The following SYN2 variants were observed in gnomAD, a reference collection of about 807,000 sequenced individuals.
SYN2 encodes synapsin-2.
In SYN2, 19 loss-of-function variants were observed where a neutral mutation model predicts 50.9. That is an observed-to-expected ratio of 0.37 (90% CI 0.26 to 0.55). The LOEUF (loss-of-function observed/expected upper bound fraction) is 0.55. SYN2 is among the 20% of genes least tolerant of loss of function. The pLI is 0.81. For synonymous variants in SYN2, 255 were observed against 224.9 expected, an observed-to-expected ratio of 1.13 and a Z score of -1.20; for missense variants, 587 against 576.4, an observed-to-expected ratio of 1.02 and a Z score of -0.19.
intron 1 of SYN2, among the ~76,000 whole-genome samples, chr3:12,085,556 G>A (rs307574): frequency 1.3e-5 from 2 of 152,028 alleles, no homozygotes; most frequent in African/African-American, 2.4e-5. Context: ...GTCATATTGC[G>A]TATCTTTTCC....
intron 7 of SYN2, among the ~76,000 whole-genome samples, chr3:12,163,057 G>A (rs1339965169): frequency 1.3e-5 from 2 of 151,948 alleles, no homozygotes; most frequent in South Asian, 2.1e-4. Context: ...TGGCTAACAT[G>A]GTGAAACCCC....
rs1698451169 is a variant in SYN2, at chr3:12,191,935, C to T, written c.*1310C>T. The stretch of plus-strand genomic sequence containing the variant: ...GGATTTCACTCTGGCTGCTTCATGA[C>T]TCCCTGATACTCAAGTATATTTTCC... On this transcript the variant is annotated 3_prime_UTR_variant, in exon 13 of 13. Transcript: ENST00000621198. Among the ~76,000 whole-genome samples the T allele has an allele frequency of 6.6e-6, 1 of 152,172 alleles. No homozygotes were observed. Among genetic ancestry groups the T allele is most frequent in the African/African-American group, 2.4e-5 (1 of 41,434 alleles).
At chr3:12,129,658 A>T (rs1696748720) in intron 1 of SYN2, among the ~76,000 whole-genome samples, 1 of 152,186 alleles carries the variant, frequency 6.6e-6, no homozygotes, top group African/African-American at 2.4e-5. Flanking sequence ...GTCATCTGAT[A>T]AACATATGGT....
intron 1 of SYN2, among the ~76,000 whole-genome samples, chr3:12,045,482 A>G (rs1426055457): frequency 1.3e-5 from 2 of 152,194 alleles, no homozygotes; most frequent in Non-Finnish European, 1.5e-5. Flanking sequence ...TCCAATTTGA[A>G]TAGATGTTTT....
chr3:12,043,453 A>G (rs571726515), intron 1 of SYN2, among the ~76,000 whole-genome samples: 3 of 152,310 alleles, frequency 2.0e-5, no homozygotes, highest in East Asian at 3.9e-4. Context: ...GGTCTCCTAT[A>G]TAACCCGGTA....
chr3:12,043,321 C>T (rs1443986606), intron 1 of SYN2, among the ~76,000 whole-genome samples: 2 of 152,146 alleles, frequency 1.3e-5, no homozygotes, highest in Non-Finnish European at 2.9e-5. Flanking sequence ...ACTACTGGTG[C>T]CCAGCTGCTT....
intron 1 of SYN2, among the ~76,000 whole-genome samples, chr3:12,093,854 C>T (rs1466531622): frequency 1.8e-5 from 2 of 109,296 alleles, no homozygotes; most frequent in Non-Finnish European, 3.5e-5. Flanking sequence ...AGGCTCTGCC[C>T]TGCAATTTTT....
chr3:12,005,974 C>T (rs1284089802), intron 1 of SYN2, among the ~76,000 whole-genome samples: 1 of 149,708 alleles, frequency 6.7e-6, no homozygotes, highest in African/African-American at 2.5e-5. Flanking sequence ...GCCTTTTCTC[C>T]AGGAATGTGA....
intron 4 of SYN2, among the ~76,000 whole-genome samples, chr3:12,146,622 C>A (rs1345290060): frequency 6.6e-6 from 1 of 152,218 alleles, no homozygotes; most frequent in Admixed American, 6.5e-5. Flanking sequence ...TTCTCTACAT[C>A]CCACTGCCTC....
rs144367186 is a variant in SYN2 at position 12,157,611 on chromosome 3, G to A, written c.775-3935G>A. 2.8e-4 allele frequency: 218 copies of A among 787,720 alleles called. 2 individuals are homozygous for A. In the East Asian group the frequency reaches 5.8e-3, roughly 21 times the overall value. 48.8% of individuals were successfully genotyped at this position (787,720 alleles called of 1,614,324 possible). The stretch of plus-strand genomic sequence containing the variant: ...TGGTTTTGGTGTGGCTGGGTTGTGA[G>A]CAACGTGATGTGTGAGAAGGGGGAC... On this transcript the variant is annotated intron_variant, in intron 5 of 12. Transcript: ENST00000621198.
intron 10 of SYN2, among the ~76,000 whole-genome samples, chr3:12,171,847 G>A (rs1697944137): frequency 6.6e-6 from 1 of 152,140 alleles, no homozygotes; most frequent in Admixed American, 6.5e-5. Context: ...ATAATTTATA[G>A]AACAAAATTT....
intron 1 of SYN2, among the ~76,000 whole-genome samples, chr3:12,139,813 TA>T (rs1158384556): frequency 6.6e-6 from 1 of 152,134 alleles, no homozygotes; most frequent in Non-Finnish European, 1.5e-5. Flanking sequence ...AGAACCAGCC[TA>T]AAAGGACAGA....
chr3:12,091,164 T>C (rs759165846), intron 1 of SYN2, among the ~76,000 whole-genome samples: 2 of 152,148 alleles, frequency 1.3e-5, no homozygotes, highest in African/African-American at 2.4e-5. Context: ...AGTTTATGTT[T>C]TTATATTCCT....
intron 1 of SYN2, among the ~76,000 whole-genome samples, chr3:12,048,303 G>A: frequency 6.6e-6 from 1 of 152,152 alleles, no homozygotes; most frequent in South Asian, 2.1e-4. Flanking sequence ...GAGTAGCTGG[G>A]ACGACGGGTG....
At chr3:12,045,714 T>C (rs1210351283) in intron 1 of SYN2, among the ~76,000 whole-genome samples, 1 of 152,186 alleles carries the variant, frequency 6.6e-6, no homozygotes, top group East Asian at 1.9e-4. Flanking sequence ...TCCACCTCAG[T>C]GCTCATGGCG....
At chr3:12,176,651 C>G (rs1255982635) in intron 10 of SYN2, among the ~76,000 whole-genome samples, 1 of 152,228 alleles carries the variant, frequency 6.6e-6, no homozygotes. Context: ...CAAGGACAAA[C>G]TCTAACTCCG....
At chr3:12,160,991 A>G (rs1182658935) in intron 5 of SYN2, among the ~76,000 whole-genome samples, 4 of 152,166 alleles carry the variant, frequency 2.6e-5, no homozygotes, top group Non-Finnish European at 5.9e-5. Flanking sequence ...GGGCCTTCAC[A>G]TGCAAAGCCT....
At chr3:12,159,570 C>T (rs1196415251) in intron 5 of SYN2, among the ~76,000 whole-genome samples, 1 of 152,154 alleles carries the variant, frequency 6.6e-6, no homozygotes, top group East Asian at 1.9e-4. Flanking sequence ...CCCAGAGCCT[C>T]AGACTCTCCA....
chr3:12,133,589 G>A (rs1244397107), intron 1 of SYN2, among the ~76,000 whole-genome samples: 1 of 152,204 alleles, frequency 6.6e-6, no homozygotes, highest in Non-Finnish European at 1.5e-5. Flanking sequence ...TGAATGCTGT[G>A]CAATAGGTAT....
Sources: allele counts gnomAD v4.1 joint callset (sites outside exome capture counted in the v4.1 genomes callset), GRCh38; gene constraint gnomAD v4.1.1; transcripts MANE v1.5; gene names NCBI Gene and HGNC (gene_info 2026-07-23, HGNC 2026-07-21).